Variants in NAALADL2 observed in about 807,000 individuals in gnomAD.
The protein encoded by NAALADL2 is N-acetylated alpha-linked acidic dipeptidase like 2.
Under a neutral mutation model 87.2 loss-of-function variants are expected in NAALADL2, and 76 were observed. That is an observed-to-expected ratio of 0.87 (90% CI 0.72 to 1.05). The LOEUF (loss-of-function observed/expected upper bound fraction) is 1.05, where lower values mean the gene tolerates loss of function less well. Ranked by LOEUF, NAALADL2 falls within the 50% of genes least tolerant of loss-of-function variation. The pLI is 0.00. For missense variants in NAALADL2, 1,089 were observed against 945.8 expected, an observed-to-expected ratio of 1.15 and a Z score of -1.99; for synonymous variants, 354 against 331.0, an observed-to-expected ratio of 1.07 and a Z score of -0.75.
At chr3:174,981,592 A>G (rs915739838) in intron 1 of NAALADL2, among the ~76,000 whole-genome samples, 2 of 152,222 alleles carry the variant, frequency 1.3e-5, no homozygotes, top group Admixed American at 1.3e-4. Flanking sequence ...TGTTCTCTAC[A>G]TATATCAAAT....
Position 175,028,356 on chromosome 3 carries a change from C to T in NAALADL2, c.44-68434C>T, listed in dbSNP as rs922363297. ...TTCACTCACTTTAAAATATGAAAGT[C>T]GCTAAATATATGGGTAAGGACAATT... On this transcript the variant is annotated intron_variant, in intron 1 of 13. Coordinates refer to ENST00000454872, the MANE Select transcript of NAALADL2 (RefSeq NM_207015.3). 1.1e-4 allele frequency among the ~76,000 whole-genome samples: 16 copies of T among 152,102 alleles called. No individual in the cohort carries two copies. The South Asian group carries it at 1.2e-3, about 12-fold the overall frequency.
chr3:175,677,479 GT>G (rs1182295453), intron 11 of NAALADL2, among the ~76,000 whole-genome samples: 61 of 12,804 alleles, frequency 4.8e-3, no homozygotes, highest in African/African-American at 9.5e-3. Flanking sequence ...GTATAATGGG[GT>G]GTGTGTGTGT....
chr3:174,668,429 T>TA (rs35264937), intron 2 of NAALADL2, among the ~76,000 whole-genome samples: 96,550 of 151,792 alleles, frequency 0.64, 31,410 homozygotes, highest in Admixed American at 0.72. Context: ...TGAGGTCTTT[T>TA]TTTTATTATA....
intron 1 of NAALADL2, among the ~76,000 whole-genome samples, chr3:174,923,843 C>T (rs1038228723): frequency 3.3e-5 from 5 of 152,176 alleles, no homozygotes; most frequent in Admixed American, 2.6e-4. Flanking sequence ...AGGTAGAATA[C>T]AGAACCTCAA....
chr3:174,485,255 A>G (rs1016323229), intron 1 of NAALADL2, among the ~76,000 whole-genome samples: 1 of 152,114 alleles, frequency 6.6e-6, no homozygotes, highest in African/African-American at 2.4e-5. Context: ...GATTTAAAGT[A>G]TATGGGAGGA....
chr3:174,574,091 T>C (rs1033224670), intron 2 of NAALADL2, among the ~76,000 whole-genome samples: 5 of 152,224 alleles, frequency 3.3e-5, no homozygotes, highest in African/African-American at 9.6e-5. Context: ...AAATTTTGAA[T>C]AGTTTTCTGT....
intron 2 of NAALADL2, among the ~76,000 whole-genome samples, chr3:174,607,455 T>C (rs1033608042): frequency 6.0e-5 from 9 of 149,366 alleles, no homozygotes; most frequent in Admixed American, 5.3e-4. Flanking sequence ...AGGCTCAAAA[T>C]AAAAGGATGG....
chr3:174,691,420 T>A (rs1394549987), intron 2 of NAALADL2, among the ~76,000 whole-genome samples: 3 of 136,232 alleles, frequency 2.2e-5, no homozygotes, highest in Admixed American at 1.5e-4. Context: ...TCAAAAAAAA[T>A]AATTAAATAA....
intron 4 of NAALADL2, among the ~76,000 whole-genome samples, chr3:175,282,701 C>G (rs1480749740): frequency 6.6e-6 from 1 of 152,022 alleles, no homozygotes; most frequent in Non-Finnish European, 1.5e-5. Flanking sequence ...ATTTATTCAA[C>G]AACTCAGCAG....
rs759598236 is a variant in NAALADL2 at position 175,279,355 on chromosome 3, T to C, written c.939+22825T>C. 1.5e-3 allele frequency among the ~76,000 whole-genome samples: 230 copies of C among 152,272 alleles called. 1 individual carries two copies. The highest frequency in any genetic ancestry group is 2.3e-3 in the Non-Finnish European group (155 of 67,986). On this transcript the variant is annotated intron_variant, in intron 4 of 13. Coordinates refer to ENST00000454872, the MANE Select transcript of NAALADL2 (RefSeq NM_207015.3). ...AAACCTGTCCTACCATCTGAAAGGATTTACTGCTCATGATTCTGCCTGAAA... is the reference window on the plus strand; with the variant it reads ...AAACCTGTCCTACCATCTGAAAGGACTTACTGCTCATGATTCTGCCTGAAA...
At chr3:175,766,509 C>T (rs749546193) in intron 13 of NAALADL2, among the ~76,000 whole-genome samples, 32 of 152,032 alleles carry the variant, frequency 2.1e-4, no homozygotes, top group Non-Finnish European at 2.6e-4. Flanking sequence ...ATAACTAATA[C>T]AAATTTACTT....
chr3:174,750,400 ATTCTTCTTCTTC>A (rs147238623), intron 3 of NAALADL2, among the ~76,000 whole-genome samples: 1 of 151,292 alleles, frequency 6.6e-6, no homozygotes, highest in Admixed American at 6.6e-5. Flanking sequence ...TTTCATTTCC[ATTCTTCTTCTTC>A]TTCTTCTTCT....
At position 175,650,683 on chromosome 3, in the gene NAALADL2, G is replaced by A. The variant is rs374139980; in HGVS notation, c.1896+23297G>A. 3.9e-5 allele frequency among the ~76,000 whole-genome samples: 6 copies of A among 152,154 alleles called. No individual in the cohort carries two copies. In the East Asian group the frequency reaches 7.7e-4, roughly 20 times the overall value. On this transcript the variant is annotated intron_variant, in intron 11 of 13. Coordinates refer to ENST00000454872, the MANE Select transcript of NAALADL2 (RefSeq NM_207015.3). The stretch of plus-strand genomic sequence containing the variant: ...TGCTGTCTATAACTCCTGCTTTAAG[G>A]GAAGATGTCTACTTTCTGTTACTTT...
intron 9 of NAALADL2, among the ~76,000 whole-genome samples, chr3:175,550,957 T>C (rs955197241): frequency 6.6e-6 from 1 of 152,226 alleles, no homozygotes; most frequent in Non-Finnish European, 1.5e-5. Flanking sequence ...GATTCAAGGT[T>C]GATTTCAAAT....
At chr3:175,129,517 C>A (rs1218940977) in intron 2 of NAALADL2, among the ~76,000 whole-genome samples, 1 of 152,106 alleles carries the variant, frequency 6.6e-6, no homozygotes, top group Non-Finnish European at 1.5e-5. Context: ...CTATACTCTG[C>A]TTTTATGAAT....
At chr3:174,471,187 CTT>C (rs969013096) in intron 1 of NAALADL2, among the ~76,000 whole-genome samples, 18 of 151,548 alleles carry the variant, frequency 1.2e-4, no homozygotes, top group African/African-American at 3.4e-4. Flanking sequence ...ATAATTGTAA[CTT>C]AAGGTTAAAA....
intron 1 of NAALADL2, among the ~76,000 whole-genome samples, chr3:175,091,892 A>G (rs1401515121): frequency 1.3e-5 from 2 of 151,996 alleles, no homozygotes; most frequent in Non-Finnish European, 2.9e-5. Context: ...GGCATTTGGT[A>G]CACAGCTTTA....
chr3:174,963,228 G>A lies in NAALADL2; in HGVS notation c.43+103778G>A, dbSNP rs576672687. On this transcript the variant is annotated intron_variant, in intron 1 of 13. Coordinates refer to ENST00000454872, the MANE Select transcript of NAALADL2 (RefSeq NM_207015.3). The stretch of plus-strand genomic sequence containing the variant: ...TATTAGAAAACTTGGTGTGTTTCAT[G>A]TAACAGATATTTTTAAAAAGGTACA... Among the ~76,000 whole-genome samples, 10 of 152,182 alleles carry A rather than the reference G, an allele frequency of 6.6e-5. 1 individual carries two copies. The East Asian group carries it at 1.9e-3, about 29-fold the overall frequency.
At chr3:174,755,236 G>A (rs777896786) in intron 3 of NAALADL2, among the ~76,000 whole-genome samples, 19 of 152,036 alleles carry the variant, frequency 1.2e-4, no homozygotes, top group South Asian at 2.1e-4. Flanking sequence ...ATCTTCTGCC[G>A]TAATTGTAAG....
Sources: allele counts gnomAD v4.1 joint callset (sites outside exome capture counted in the v4.1 genomes callset), GRCh38; gene constraint gnomAD v4.1.1; transcripts MANE v1.5; gene names NCBI Gene and HGNC (gene_info 2026-07-23, HGNC 2026-07-21).